The following MALT1 variants were observed in gnomAD, a reference collection of about 807,000 sequenced individuals.
MALT1 encodes mucosa-associated lymphoid tissue lymphoma translocation protein 1.
A neutral mutation model predicts 85.5 loss-of-function variants in MALT1; 36 were observed. That is an observed-to-expected ratio of 0.42 (90% CI 0.32 to 0.56). MALT1 has a LOEUF of 0.56. Among genes scored for constraint, MALT1 ranks in the 20% least tolerant of loss-of-function variants. The pLI, the probability that MALT1 is intolerant of heterozygous loss-of-function variation, is 0.10. For synonymous variants in MALT1, 359 were observed against 361.3 expected (o/e 0.99, Z 0.07); for missense variants, 716 against 981.6 (o/e 0.73, Z 3.62).
At chr18:58,712,089 G>A (rs2054839094) in intron 7 of MALT1, among the ~76,000 whole-genome samples, 1 of 152,116 alleles carries the variant, frequency 6.6e-6, no homozygotes, top group Non-Finnish European at 1.5e-5. Flanking sequence ...TTCTGTACCT[G>A]CAGTATTCTC....
chr18:58,679,545 A>T (rs899134059), intron 1 of MALT1, among the ~76,000 whole-genome samples: 5 of 152,230 alleles, frequency 3.3e-5, no homozygotes, highest in African/African-American at 9.6e-5. Context: ...ACTTAGAAGT[A>T]CTTTGGTTTT....
rs758337943 is a variant in MALT1, at chr18:58,745,716, T to A, written c.1962T>A (p.Thr654=). The A allele has an allele frequency of 6.2e-7, 1 of 1,613,616 alleles. No homozygotes were observed. The highest frequency in any genetic ancestry group is 8.5e-7 in the Non-Finnish European group (1 of 1,179,628). ...CAAATAAAGGCACACCTGAAGAAAC[T>A]GGCAGCTACTTGGTATCAAAGGATC... ...KDANKGTPEE[T]GSYLVSKDLP... Residue 654 remains threonine (T), a synonymous_variant, in exon 16 of 17, where the codon ACT becomes ACA. Transcript: ENST00000649217.
At chr18:58,741,834 TA>T in intron 13 of MALT1, 30 bp from the exon 14 acceptor site, 2 of 1,383,452 alleles carry the variant, frequency 1.4e-6, no homozygotes, top group African/African-American at 1.4e-5. Context: ...TTGGTGGTCT[TA>T]AAAATAATAT....
intron 2 of MALT1, among the ~76,000 whole-genome samples, chr18:58,687,811 T>A (rs2054427593): frequency 6.6e-6 from 1 of 152,252 alleles, no homozygotes; most frequent in Admixed American, 6.5e-5. Flanking sequence ...AGCAGGGTTT[T>A]AAATTTTTGT....
At chr18:58,707,416 C>T (rs1260032767) in intron 4 of MALT1, among the ~76,000 whole-genome samples, 1 of 149,078 alleles carries the variant, frequency 6.7e-6, no homozygotes, top group Non-Finnish European at 1.5e-5. Context: ...GAGGCTATTT[C>T]AACATTAGAA....
At chr18:58,745,856 C>T in intron 16 of MALT1, 65 bp downstream of exon 16, 2 of 1,438,592 alleles carry the variant, frequency 1.4e-6, no homozygotes, top group South Asian at 2.5e-5. Flanking sequence ...CTTATTTTGG[C>T]ATAGACCATA....
At chr18:58,724,942 C>T (rs185643623) in intron 10 of MALT1, among the ~76,000 whole-genome samples, 114 of 151,948 alleles carry the variant, frequency 7.5e-4, no homozygotes, top group African/African-American at 2.7e-3. Context: ...GTCAGGAGTT[C>T]GAGACCCTCC....
rs1485323358 is a variant in MALT1, at chr18:58,747,460, C to T, written c.2093C>T (p.Thr698Ile). ...TATCAGTACTCAGGATTGGAAGATA[C>T]TGTAGAGGACAAGCAGGAAGTGAAT... The part of the protein sequence containing the change: ...LSYQYSGLED[T>I]VEDKQEVNVG... Residue 698 changes from threonine (T) to isoleucine (I), a missense_variant, in exon 17 of 17, where the codon ACT (threonine) becomes ATT (isoleucine). This residue lies in a region of MALT1 where 260 missense variants were observed against 323.7 expected (regional missense o/e 0.80). Transcript: ENST00000649217. The T allele has an allele frequency of 6.2e-7, 1 of 1,613,722 alleles. No individual in the cohort carries two copies. The highest frequency in any genetic ancestry group is 1.1e-5 in the South Asian group (1 of 91,066).
At position 58,671,785 on chromosome 18, in the gene MALT1, G is replaced by A; in HGVS notation, c.142G>A (p.Ala48Thr). 8.0e-7 allele frequency: 1 copy of A among 1,252,142 alleles called. No individual in the cohort carries two copies. Among genetic ancestry groups the A allele is most frequent in the Non-Finnish European group, 1.0e-6 (1 of 999,548 alleles). 77.6% of individuals were successfully genotyped at this position (1,252,142 alleles called of 1,614,324 possible). A position where few individuals can be genotyped will look rare whatever the true frequency, so the allele number is the denominator to read the frequency against. Residue 48 changes from alanine to threonine, a missense_variant, in exon 1 of 17, where the codon GCG becomes ACG. Coordinates refer to ENST00000649217, the MANE Select transcript of MALT1 (RefSeq NM_006785.4). ...GAGGCTCAGCGAGCTCCTGGATCAG[G>A]CGCCCGAGGGCCGGGGCTGGAGGAG... ...LRRLSELLDQ[A>T]PEGRGWRRLA... is the part of the protein sequence containing the mutation.
intron 4 of MALT1, among the ~76,000 whole-genome samples, chr18:58,701,227 C>T (rs770570259): frequency 5.3e-5 from 8 of 149,902 alleles, no homozygotes; most frequent in Non-Finnish European, 1.0e-4. Flanking sequence ...TTCAAGTTTG[C>T]CTTCCTTCAT....
intron 2 of MALT1, among the ~76,000 whole-genome samples, chr18:58,682,677 T>G (rs1267724374): frequency 6.6e-6 from 1 of 152,246 alleles, no homozygotes; most frequent in Non-Finnish European, 1.5e-5. Flanking sequence ...GGGTTGAGTC[T>G]GCTTTCCTGG....
intron 1 of MALT1, among the ~76,000 whole-genome samples, chr18:58,680,345 T>G (rs918218034): frequency 3.3e-5 from 5 of 152,238 alleles, no homozygotes; most frequent in African/African-American, 1.2e-4. Context: ...CAGTATGTCT[T>G]AAAGACCTAT....
chr18:58,684,550 G>A (rs551507563), intron 2 of MALT1, among the ~76,000 whole-genome samples: 2 of 144,724 alleles, frequency 1.4e-5, no homozygotes, highest in African/African-American at 5.1e-5. Context: ...AGGTTCAAGC[G>A]ATTCTCCTGC....
At chr18:58,732,841 T>G (rs1290968988) in intron 10 of MALT1, among the ~76,000 whole-genome samples, 1 of 151,842 alleles carries the variant, frequency 6.6e-6, no homozygotes, top group Non-Finnish European at 1.5e-5. Flanking sequence ...TAAATTAGGA[T>G]ATACTTCAGA....
At chr18:58,716,494 T>C (rs2054902377) in intron 9 of MALT1, among the ~76,000 whole-genome samples, 1 of 152,236 alleles carries the variant, frequency 6.6e-6, no homozygotes, top group African/African-American at 2.4e-5. Flanking sequence ...AGCTAACAGC[T>C]TGATGCTGGC....
Position 58,751,743 on chromosome 18 carries a change from G to A in MALT1, c.*3901G>A, listed in dbSNP as rs986154652. 1.3e-5 allele frequency: 2 copies of A among 152,180 alleles called. No individual in the cohort carries two copies. The highest frequency in any genetic ancestry group is 4.8e-5 in the African/African-American group (2 of 41,448). 9.4% of individuals were successfully genotyped at this position (152,180 alleles called of 1,614,324 possible). A position where few individuals can be genotyped will look rare whatever the true frequency, so the allele number is the denominator to read the frequency against. On this transcript the variant is annotated 3_prime_UTR_variant, in exon 17 of 17. Coordinates refer to ENST00000649217, the MANE Select transcript of MALT1 (RefSeq NM_006785.4). ...ATTAGGATAGTGGAGGTTTGAGCAA[G>A]TAAAGGCTCACCCAAATTCAAAGCC...
Position 58,671,859 on chromosome 18 carries a change from T to C in MALT1, c.209+7T>C. 1 of 1,219,426 alleles carries C rather than the reference T, an allele frequency of 8.2e-7. No individual in the cohort carries two copies. The highest frequency in any genetic ancestry group is 1.0e-6 in the Non-Finnish European group (1 of 980,402). The allele number at this position is 1,219,426 out of a possible 1,614,324, so 75.5% of individuals were successfully genotyped here. ...GCGGGCGCCTCCGCCTCAGGTGAGC[T>C]CAGGGCCGCGGCAGGCCGGGCGCGC... is the stretch of plus-strand genomic sequence containing the variant. On this transcript the variant is annotated splice_region_variant and intron_variant, in intron 1 of 16. Transcript: ENST00000649217.
Position 58,696,418 on chromosome 18 carries a change from T to G in MALT1, c.429T>G (p.Phe143Leu). The change falls in exon 3 of 17, where the codon TTT becomes TTG. Residue 143 changes from phenylalanine (F) to leucine (L), a missense_variant. Physicochemically the swap from Phe to Leu is conservative, Grantham distance 22. This residue lies in a region of MALT1 where 290 missense variants were observed against 380.5 expected (regional missense o/e 0.76). Coordinates refer to ENST00000649217, the MANE Select transcript of MALT1 (RefSeq NM_006785.4). ...PESKAVLAGQFVKLCCRATGH... is the reference protein window; with the variant it reads ...PESKAVLAGQLVKLCCRATGH... ...CAAAGGCAGTCTTGGCTGGACAGTT[T>G]GTGAAACTGTGTTGCCGGGCAACTG... 6.3e-7 allele frequency: 1 copy of G among 1,598,848 alleles called. No homozygotes were observed. Among genetic ancestry groups the G allele is most frequent in the Non-Finnish European group, 8.5e-7 (1 of 1,172,636 alleles).
intron 4 of MALT1, among the ~76,000 whole-genome samples, chr18:58,701,587 A>T (rs140466792): frequency 6.6e-6 from 1 of 152,172 alleles, no homozygotes; most frequent in South Asian, 2.1e-4. Flanking sequence ...CAGTTATGCA[A>T]TTCATTGACC....
Sources: gnomAD v4.1 joint callset for allele counts (sites outside exome capture counted in the v4.1 genomes callset) on GRCh38, gnomAD v4.1.1 for gene constraint, gnomAD v4.1.1 regional missense constraint, MANE v1.5 for transcripts, NCBI Gene and HGNC (gene_info 2026-07-23, HGNC 2026-07-21) for gene names.